Variants in FCRL6 observed in about 807,000 individuals in gnomAD.
FCRL6 encodes Fc receptor-like protein 6.
FCRL6 carries 50 observed loss-of-function variants against 49.1 expected under a neutral mutation model. The ratio of observed to expected loss-of-function variants is 1.02; its 90% CI spans 0.81 to 1.29. FCRL6 has a LOEUF of 1.29. FCRL6 is among the 50% of genes most tolerant of loss of function. FCRL6 has a pLI of 0.00. For missense variants in FCRL6, 571 were observed against 518.5 expected (o/e 1.10, Z -0.98); for synonymous variants, 213 against 199.6 (o/e 1.07, Z -0.57).
intron 5 of FCRL6, 79 bp from the exon 6 acceptor site, chr1:159,810,015 C>A (rs1202271395): frequency 1.3e-6 from 2 of 1,507,942 alleles, no homozygotes; most frequent in Non-Finnish European, 1.8e-6. Context: ...AGTCATTCTG[C>A]CTGTTCTGTG....
intron 7 of FCRL6, 51 bp from the exon 8 acceptor site, chr1:159,814,170 T>G: frequency 9.8e-6 from 15 of 1,525,498 alleles, no homozygotes; most frequent in Middle Eastern, 1.7e-4. Flanking sequence ...ACTTATGACA[T>G]GAGGTGGGAG....
intron 4 of FCRL6, 67 bp from the exon 5 acceptor site, chr1:159,809,335 C>A: frequency 6.5e-7 from 1 of 1,532,250 alleles, no homozygotes; most frequent in Non-Finnish European, 8.8e-7. Context: ...GGGAAGGGTC[C>A]CCAGGAGAGG....
chr1:159,810,072 A>G (rs1222099331), intron 5 of FCRL6, 22 bp from the exon 6 acceptor site: 2 of 1,605,264 alleles, frequency 1.2e-6, no homozygotes. Flanking sequence ...GCTCATGGCC[A>G]CCTTCTTCTC....
chr1:159,800,720 TC>T, upstream of FCRL6: 1 of 947,120 alleles, frequency 1.1e-6, no homozygotes, highest in Non-Finnish European at 1.7e-6. Flanking sequence ...CAAATTAGTT[TC>T]CCACTTCCAC....
In FCRL6 at chr1:159,808,441, C is replaced by CAAGGTG; in HGVS notation, c.318_319+4dup. On this transcript the variant is annotated inframe_insertion, in exon 3 of 10. Coordinates refer to ENST00000368106, the MANE Select transcript of FCRL6 (RefSeq NM_001004310.3). ...TTCAGAGACTGCCATGGTTCAAGTC[C>CAAGGTG]AAGGTGAGTCACCAGCTTGGGAGTT... 1 of 1,614,174 alleles carries CAAGGTG rather than the reference C, an allele frequency of 6.2e-7. No homozygotes were observed. Among genetic ancestry groups the CAAGGTG allele is most frequent in the Non-Finnish European group, 8.5e-7 (1 of 1,180,018 alleles).
At position 159,809,007 on chromosome 1, in the gene FCRL6, C is replaced by A. The variant is rs1419318342; in HGVS notation, c.366C>A (p.Pro122=). ...PVLSAIPSPE[P]REGSLVTLRC... is the part of the protein sequence containing the mutation. ...TGAGTGCCATCCCCTCTCCTGAGCC[C>A]CGAGAGGGTAGCCTGGTGACCCTGA... Residue 122 remains proline, a synonymous_variant, in exon 4 of 10, where the codon CCC becomes CCA. Coordinates refer to ENST00000368106, the MANE Select transcript of FCRL6 (RefSeq NM_001004310.3). The A allele has an allele frequency of 1.2e-6, 2 of 1,613,736 alleles. No individual in the cohort carries two copies. Among genetic ancestry groups the A allele is most frequent in the Admixed American group, 3.3e-5 (2 of 59,992 alleles).
At chr1:159,809,833 G>A (rs757247040) in intron 5 of FCRL6, 150 bp downstream of exon 5, 1 of 791,532 alleles carries the variant, frequency 1.3e-6, no homozygotes, top group Non-Finnish European at 2.0e-6. Flanking sequence ...TAGTCCATCT[G>A]TCCACTGAGC....
chr1:159,811,939 G>A (rs569521965), intron 6 of FCRL6, among the ~76,000 whole-genome samples: 8 of 152,310 alleles, frequency 5.3e-5, no homozygotes, highest in African/African-American at 1.9e-4. Context: ...CAGAGCAATG[G>A]CAGAGTAATG....
Position 159,810,218 on chromosome 1 carries a change from T to C in FCRL6, c.1009+2T>C. ...ATGTGAGATCCTGGAGAAAAGCTGG[T>C]CAGTAACTCCTCTTGGCTTTCTTAG... On this transcript the variant is annotated splice_donor_variant, in intron 6 of 9. Transcript: ENST00000368106. LOFTEE classifies it high-confidence loss of function. 6.2e-7 allele frequency: 1 copy of C among 1,611,362 alleles called. No homozygotes were observed. The highest frequency in any genetic ancestry group is 1.7e-4 in the Middle Eastern group (1 of 6,046).
upstream of FCRL6, among the ~76,000 whole-genome samples, chr1:159,801,958 A>T (rs2101724792): frequency 6.6e-6 from 1 of 151,872 alleles, no homozygotes; most frequent in Non-Finnish European, 1.5e-5. Context: ...CTCTGGAGAC[A>T]GGAGCTCCTT....
chr1:159,815,776 A>G lies in FCRL6; in HGVS notation c.*115A>G. On this transcript the variant is annotated 3_prime_UTR_variant, in exon 10 of 10. Transcript: ENST00000368106. ...CTTCAGTTCCCAAGCCCAGCATCACAGAGCCCCCTGAGCCCTTGTCCTGGT... is the reference window on the plus strand; with the variant it reads ...CTTCAGTTCCCAAGCCCAGCATCACGGAGCCCCCTGAGCCCTTGTCCTGGT... The G allele has an allele frequency of 7.4e-7, 1 of 1,348,728 alleles. No homozygotes were observed. Among genetic ancestry groups the G allele is most frequent in the Non-Finnish European group, 1.0e-6 (1 of 973,278 alleles). 83.5% of individuals were successfully genotyped at this position (1,348,728 alleles called of 1,614,324 possible). A position where few individuals can be genotyped will look rare whatever the true frequency, so the allele number is the denominator to read the frequency against.
intron 1 of FCRL6, among the ~76,000 whole-genome samples, chr1:159,805,993 A>T (rs778588028): frequency 9.9e-5 from 15 of 152,240 alleles, no homozygotes; most frequent in Non-Finnish European, 1.5e-4. Flanking sequence ...GAAAACATTC[A>T]TGCATTTATT....
At chr1:159,813,413 G>T in intron 6 of FCRL6, 76 bp from the exon 7 acceptor site, 1 of 1,323,512 alleles carries the variant, frequency 7.6e-7, no homozygotes, top group South Asian at 1.2e-5. Context: ...TGTCATTCTT[G>T]CTCACAGCTT....
At chr1:159,812,537 C>T (rs984680524) in intron 6 of FCRL6, among the ~76,000 whole-genome samples, 1 of 152,212 alleles carries the variant, frequency 6.6e-6, no homozygotes, top group African/African-American at 2.4e-5. Context: ...CCTTTTACTA[C>T]CAGTTGTCAC....
intron 2 of FCRL6, 136 bp downstream of exon 2, chr1:159,806,752 G>T: frequency 1.1e-6 from 1 of 878,208 alleles, no homozygotes. Flanking sequence ...TTCCTCAGGA[G>T]TCTTGGCCAG....
upstream of FCRL6, among the ~76,000 whole-genome samples, chr1:159,801,225 T>A (rs1259182179): frequency 6.6e-6 from 1 of 152,256 alleles, no homozygotes; most frequent in Non-Finnish European, 1.5e-5. Flanking sequence ...CTCTTGTATA[T>A]GTTTTTTCAG....
At position 159,808,965 on chromosome 1, in the gene FCRL6, G is replaced by A; in HGVS notation, c.324G>A (p.Leu108=). 2 of 1,604,512 alleles carry A rather than the reference G, an allele frequency of 1.2e-6. No homozygotes were observed. Among genetic ancestry groups the A allele is most frequent in the Non-Finnish European group, 8.5e-7 (1 of 1,174,672 alleles). ...CCTGGGCCTGCATCTCCCCAGAGCT[G>A]TTTCCACCTCCTGTGCTGAGTGCCA... ...SETAMVQVQE[L]FPPPVLSAIP... is the part of the protein sequence containing the mutation. Residue 108 remains leucine, a synonymous_variant, in exon 4 of 10, where the codon CTG becomes CTA. Transcript: ENST00000368106.
At chr1:159,804,823 G>A (rs1446381311) in intron 1 of FCRL6, among the ~76,000 whole-genome samples, 1 of 152,182 alleles carries the variant, frequency 6.6e-6, no homozygotes, top group Non-Finnish European at 1.5e-5. Context: ...TTGTTTTCCA[G>A]TGAGGTGGGG....
chr1:159,800,640 A>G (rs1323929745), upstream of FCRL6: 1 of 1,542,458 alleles, frequency 6.5e-7, no homozygotes, highest in Admixed American at 2.0e-5. Context: ...TCTACTTCCT[A>G]CTTTACTTCC....
Sources: allele counts gnomAD v4.1 joint callset (sites outside exome capture counted in the v4.1 genomes callset), GRCh38; gene constraint gnomAD v4.1.1; transcripts MANE v1.5; gene names NCBI Gene and HGNC (gene_info 2026-07-23, HGNC 2026-07-21).